Variants in ITSN1 observed in about 807,000 individuals in gnomAD.
The protein encoded by ITSN1 is intersectin-1.
Under a neutral mutation model 239.8 loss-of-function variants are expected in ITSN1, and 58 were observed. The ratio of observed to expected loss-of-function variants is 0.24; its 90% CI spans 0.20 to 0.30. ITSN1 has a LOEUF of 0.30. Ranked by LOEUF, ITSN1 falls within the 10% of genes least tolerant of loss-of-function variation. The probability of loss-of-function intolerance (pLI) is 1.00; values close to 1 mark genes in which losing one functional copy is unlikely to be tolerated. For missense variants in ITSN1, 1,558 were observed against 2,103.3 expected (o/e 0.74, Z 5.07); for synonymous variants, 780 against 770.8 (o/e 1.01, Z -0.20).
intron 1 of ITSN1, among the ~76,000 whole-genome samples, chr21:33,678,263 A>G (rs2090717838): frequency 6.6e-6 from 1 of 152,150 alleles, no homozygotes; most frequent in South Asian, 2.1e-4. Context: ...ACTTTCCTTG[A>G]CTATCCCCAG....
chr21:33,684,305 A>G (rs527992068), intron 1 of ITSN1, among the ~76,000 whole-genome samples: 3 of 152,302 alleles, frequency 2.0e-5, no homozygotes, highest in African/African-American at 7.2e-5. Flanking sequence ...TAGAGACTAA[A>G]TTGATCTTGA....
At chr21:33,718,702 T>C in intron 1 of ITSN1, 95 bp from the exon 2 acceptor site, 1 of 794,938 alleles carries the variant, frequency 1.3e-6, no homozygotes. Context: ...GCTCTAGTAT[T>C]AGTCCTCTGA....
chr21:33,804,540 G>A (rs2072256013), intron 20 of ITSN1, among the ~76,000 whole-genome samples: 1 of 152,194 alleles, frequency 6.6e-6, no homozygotes, highest in South Asian at 2.1e-4. Flanking sequence ...TGTGCTCAGG[G>A]AAGACCAAAT....
At chr21:33,853,244 C>T (rs926238478) in intron 29 of ITSN1, among the ~76,000 whole-genome samples, 1 of 152,204 alleles carries the variant, frequency 6.6e-6, no homozygotes, top group Non-Finnish European at 1.5e-5. Context: ...GGTGGACCTG[C>T]GAGAGGTGGA....
At chr21:33,779,079 T>C (rs1327217037) in intron 14 of ITSN1, among the ~76,000 whole-genome samples, 1 of 151,964 alleles carries the variant, frequency 6.6e-6, no homozygotes, top group Non-Finnish European at 1.5e-5. Flanking sequence ...GGAGTTTGTT[T>C]ATTTTTAAAA....
At position 33,811,053 on chromosome 21, in the gene ITSN1, T is replaced by C; in HGVS notation, c.2398T>C (p.Tyr800His). The C allele has an allele frequency of 6.2e-7, 1 of 1,614,198 alleles. No homozygotes were observed. The highest frequency in any genetic ancestry group is 8.5e-7 in the Non-Finnish European group (1 of 1,180,036). ...KGKTGWFPAN[Y>H]AEKIPENEVP... ...AAAGACAGGGTGGTTCCCTGCAAACTATGCAGAGAAAATCCCAGAAAATGA... is the reference window on the plus strand; with the variant it reads ...AAAGACAGGGTGGTTCCCTGCAAACCATGCAGAGAAAATCCCAGAAAATGA... Residue 800 changes from tyrosine to histidine, a missense_variant, in exon 21 of 40, where the codon TAT (tyrosine) becomes CAT (histidine). Physicochemically the swap from Tyr to His is moderately conservative, Grantham distance 83. Transcript: ENST00000381318.
In ITSN1 at chr21:33,761,977, C is replaced by G; in HGVS notation, c.779C>G (p.Ala260Gly). 1 of 1,612,302 alleles carries G rather than the reference C, an allele frequency of 6.2e-7. No individual in the cohort carries two copies. The highest frequency in any genetic ancestry group is 8.5e-7 in the Non-Finnish European group (1 of 1,178,376). Residue 260 changes from alanine (A) to glycine (G), a missense_variant, in exon 9 of 40, where the codon GCT becomes GGT. By Grantham distance (60) the Ala-to-Gly change is moderately conservative (BLOSUM62 0). Transcript: ENST00000381318. Reference protein sequence around the residue: ...MQSSLPQAQLASIWNLSDIDQ... With the variant: ...MQSSLPQAQLGSIWNLSDIDQ... ...TCAAGTTTACCACAGGCTCAGCTGGCTTCAATATGGTAAGGAATGAAAAGT... is the reference window on the plus strand; with the variant it reads ...TCAAGTTTACCACAGGCTCAGCTGGGTTCAATATGGTAAGGAATGAAAAGT...
rs75781643 is a variant in ITSN1, at chr21:33,816,392, A to G, written c.2728-1875A>G. On this transcript the variant is annotated intron_variant, in intron 22 of 39. Transcript: ENST00000381318. The stretch of plus-strand genomic sequence containing the variant: ...AACTTCCTTCCCCCTCCCCACCTAC[A>G]CACATCTTGCATTACCATGGGATTG... Among the ~76,000 whole-genome samples the G allele has an allele frequency of 7.2e-3, 1,097 of 152,214 alleles. 16 individuals carry two copies. Among genetic ancestry groups the G allele is most frequent in the African/African-American group, 0.025 (1,046 of 41,520 alleles).
At chr21:33,687,530 A>T (rs1307675342) in intron 1 of ITSN1, among the ~76,000 whole-genome samples, 2 of 151,968 alleles carry the variant, frequency 1.3e-5, no homozygotes, top group African/African-American at 4.8e-5. Context: ...GTAGAACTTG[A>T]AGGCCTAAGG....
chr21:33,817,610 T>C, intron 22 of ITSN1: 1 of 1,285,568 alleles, frequency 7.8e-7, no homozygotes, highest in Non-Finnish European at 1.0e-6. Context: ...TGCCCATCTT[T>C]ATAGTGCTTT....
At chr21:33,884,674 G>A (rs566691866) in intron 36 of ITSN1, among the ~76,000 whole-genome samples, 1 of 152,190 alleles carries the variant, frequency 6.6e-6, no homozygotes, top group African/African-American at 2.4e-5. Context: ...CTTTCTTTGC[G>A]TGATTTCATA....
At chr21:33,778,844 C>G (rs2147861950) in intron 14 of ITSN1, among the ~76,000 whole-genome samples, 1 of 141,198 alleles carries the variant, frequency 7.1e-6, no homozygotes, top group African/African-American at 3.2e-5. Flanking sequence ...TCCCAAAGTG[C>G]TGGGATTACA....
At chr21:33,873,675 AG>A (rs536411400) in intron 33 of ITSN1, among the ~76,000 whole-genome samples, 5 of 152,038 alleles carry the variant, frequency 3.3e-5, no homozygotes, top group Non-Finnish European at 7.4e-5. Flanking sequence ...GTTTGAGATC[AG>A]TCTGGCCAAC....
At chr21:33,660,305 G>C (rs1324759295) in intron 1 of ITSN1, among the ~76,000 whole-genome samples, 1 of 152,072 alleles carries the variant, frequency 6.6e-6, no homozygotes, top group East Asian at 1.9e-4. Flanking sequence ...AAGCCTTTTG[G>C]TATCAAAACC....
chr21:33,704,613 T>G (rs1452994666), intron 1 of ITSN1, among the ~76,000 whole-genome samples: 4 of 152,182 alleles, frequency 2.6e-5, no homozygotes, highest in African/African-American at 9.7e-5. Context: ...CAGGTGTACT[T>G]GCAAGCACTT....
intron 1 of ITSN1, among the ~76,000 whole-genome samples, chr21:33,666,627 A>G (rs2089949382): frequency 6.6e-6 from 1 of 152,182 alleles, no homozygotes; most frequent in Admixed American, 6.5e-5. Context: ...TCTCTTGTAA[A>G]TCTAGAAAAG....
intron 32 of ITSN1, 23 bp from the exon 33 acceptor site, chr21:33,867,210 C>T (rs1290818743): frequency 2.0e-6 from 3 of 1,474,928 alleles, no homozygotes; most frequent in Non-Finnish European, 2.8e-6. Context: ...TTCTTAAGTA[C>T]ATTTAAAAAC....
In ITSN1 at chr21:33,886,302, A is replaced by G; in HGVS notation, c.4859A>G (p.Tyr1620Cys). 1 of 1,613,744 alleles carries G rather than the reference A, an allele frequency of 6.2e-7. No individual in the cohort carries two copies. ...PCRSHGKSNP[Y>C]CEVTMGSQCH... ...TTCCCTCCAGGAAAGAGCAACCCGTACTGTGAGGTGACCATGGGTTCCCAG... is the reference window on the plus strand; with the variant it reads ...TTCCCTCCAGGAAAGAGCAACCCGTGCTGTGAGGTGACCATGGGTTCCCAG... Residue 1620 changes from tyrosine (Y) to cysteine (C), a missense_variant, in exon 39 of 40, where the codon TAC becomes TGC. Tyr to Cys is a radical substitution (Grantham distance 194). Coordinates refer to ENST00000381318, the MANE Select transcript of ITSN1 (RefSeq NM_003024.3).
Position 33,722,588 on chromosome 21 carries a change from G to A in ITSN1, c.122G>A (p.Gly41Asp). 1.3e-6 allele frequency: 2 copies of A among 1,558,754 alleles called. No individual in the cohort carries two copies. The highest frequency in any genetic ancestry group is 1.7e-6 in the Non-Finnish European group (2 of 1,159,810). ...GAAACTTTTTCTGTTTAATTTACAGGTGATCAAGCTAGAAACTTTTTTTTT... is the reference window on the plus strand; with the variant it reads ...GAAACTTTTTCTGTTTAATTTACAGATGATCAAGCTAGAAACTTTTTTTTT... ...SLKPISGFIT[G>D]DQARNFFFQS... is the part of the protein sequence containing the mutation. The change falls in exon 4 of 40, where the codon GGT (glycine) becomes GAT (aspartate). Residue 41 changes from glycine to aspartate, a missense_variant and splice_region_variant. Gly to Asp is a moderately conservative substitution (Grantham distance 94). Transcript: ENST00000381318.
Sources: allele counts gnomAD v4.1 joint callset (sites outside exome capture counted in the v4.1 genomes callset), GRCh38; gene constraint gnomAD v4.1.1; transcripts MANE v1.5; gene names NCBI Gene and HGNC (gene_info 2026-07-23, HGNC 2026-07-21).